NUFIP1: variants seen among roughly 807,000 people sequenced by gnomAD.
The protein encoded by NUFIP1 is nuclear FMR1 interacting protein 1.
Under a neutral mutation model 56.2 loss-of-function variants are expected in NUFIP1, and 38 were observed. That is an observed-to-expected ratio of 0.68 (90% confidence interval 0.52 to 0.89). NUFIP1 has a LOEUF of 0.89. NUFIP1 is among the 40% of genes least tolerant of loss of function. The pLI is 0.00. For missense variants in NUFIP1, 567 were observed against 605.8 expected (o/e 0.94, Z 0.67); for synonymous variants, 215 against 212.4 (o/e 1.01, Z -0.10).
intron 8 of NUFIP1, among the ~76,000 whole-genome samples, chr13:44,944,095 GACA>G (rs1478936342): frequency 1.3e-5 from 2 of 152,072 alleles, no homozygotes; most frequent in African/African-American, 2.4e-5. Context: ...TAAAATCTCT[GACA>G]ACAATAGTAA....
intron 7 of NUFIP1, among the ~76,000 whole-genome samples, chr13:44,954,629 C>A (rs1474650069): frequency 6.6e-6 from 1 of 152,170 alleles, no homozygotes; most frequent in African/African-American, 2.4e-5. Context: ...GCCCACCAAC[C>A]CCCATCCCAC....
Position 44,979,916 on chromosome 13 carries a change from T to C in NUFIP1, c.631A>G (p.Lys211Glu), listed in dbSNP as rs1872126767. The change falls in exon 4 of 10, where the codon AAG (lysine) becomes GAG (glutamate). Residue 211 changes from lysine (K) to glutamate (E), a missense_variant. Transcript: ENST00000379161. ...TTTCTCCAATGGAACTGGACAATCT[T>C]CTCGTGTGCAGTAAAAGAGCAATCT... ...ELDCSFTAHEKIVQFHWRNMH... is the reference protein window; with the variant it reads ...ELDCSFTAHEEIVQFHWRNMH... 1.2e-6 allele frequency: 2 copies of C among 1,603,954 alleles called. No homozygotes were observed. The highest frequency in any genetic ancestry group is 3.5e-5 in the Admixed American group (2 of 57,576).
At chr13:44,956,869 G>A (rs988332670) in intron 7 of NUFIP1, among the ~76,000 whole-genome samples, 1 of 152,126 alleles carries the variant, frequency 6.6e-6, no homozygotes, top group African/African-American at 2.4e-5. Flanking sequence ...GTGCCCAGGG[G>A]TTAAGAACCC....
At chr13:44,966,721 C>G (rs1055587264) in intron 5 of NUFIP1, among the ~76,000 whole-genome samples, 1 of 151,926 alleles carries the variant, frequency 6.6e-6, no homozygotes, top group East Asian at 1.9e-4. Flanking sequence ...TGCCTGTAAT[C>G]CCAGCATTTT....
chr13:44,956,306 C>A (rs547640322), intron 7 of NUFIP1, among the ~76,000 whole-genome samples: 4 of 151,922 alleles, frequency 2.6e-5, no homozygotes, highest in African/African-American at 4.8e-5. Context: ...TGTAGCTATA[C>A]CTGCAGTGAA....
chr13:44,949,964 T>A, intron 7 of NUFIP1, 126 bp from the exon 8 acceptor site: 1 of 700,700 alleles, frequency 1.4e-6, no homozygotes, highest in Non-Finnish European at 2.6e-6. Context: ...TCCAAAAGAC[T>A]AATTCTAGGG....
At chr13:44,986,173 T>C (rs572332659) in intron 1 of NUFIP1, among the ~76,000 whole-genome samples, 2 of 152,330 alleles carry the variant, frequency 1.3e-5, no homozygotes, top group East Asian at 1.9e-4. Context: ...ATTCCTCTAA[T>C]GGATCTGAGC....
intron 7 of NUFIP1, among the ~76,000 whole-genome samples, chr13:44,952,701 T>C (rs941953703): frequency 3.8e-4 from 58 of 152,228 alleles, no homozygotes; most frequent in African/African-American, 1.4e-3. Context: ...TACTTTATGA[T>C]AGCTAAGAAG....
intron 7 of NUFIP1, among the ~76,000 whole-genome samples, chr13:44,956,135 C>G (rs1166659327): frequency 1.4e-5 from 2 of 140,774 alleles, no homozygotes; most frequent in Non-Finnish European, 3.1e-5. Flanking sequence ...CAGCGAGACT[C>G]CGTCTCAAAA....
At chr13:44,974,022 A>G (rs116629591) in intron 5 of NUFIP1, among the ~76,000 whole-genome samples, 2,507 of 152,368 alleles carry the variant, frequency 0.016, 82 homozygotes, top group African/African-American at 0.056. Context: ...TCAGCTGATT[A>G]AAAATAAAAT....
rs1870674265 is a variant in NUFIP1 at position 44,939,977 on chromosome 13, G to C, written c.*1229C>G. ...GTTGTAACACTAGTTACTTCATCCT[G>C]AGTTGGTTGGGAATCACATCTTTGA... is the stretch of plus-strand genomic sequence containing the variant. On this transcript the variant is annotated 3_prime_UTR_variant, in exon 10 of 10. Coordinates refer to ENST00000379161, the MANE Select transcript of NUFIP1 (RefSeq NM_012345.3). 1.3e-5 allele frequency: 2 copies of C among 152,126 alleles called. No homozygotes were observed. Among genetic ancestry groups the C allele is most frequent in the Admixed American group, 6.5e-5 (1 of 15,272 alleles). The allele number at this position is 152,126 out of a possible 1,614,324, so 9.4% of individuals were successfully genotyped here. A position where few individuals can be genotyped will look rare whatever the true frequency, so the allele number is the denominator to read the frequency against.
At chr13:44,975,394 C>G (rs181938802) in intron 5 of NUFIP1, among the ~76,000 whole-genome samples, 76 of 152,264 alleles carry the variant, frequency 5.0e-4, no homozygotes, top group African/African-American at 1.8e-3. Flanking sequence ...TGTTCCCCAC[C>G]TCAGTAATAA....
chr13:44,960,590 T>TA (rs377429479), intron 6 of NUFIP1, among the ~76,000 whole-genome samples: 3 of 152,154 alleles, frequency 2.0e-5, no homozygotes, highest in African/African-American at 7.2e-5. Flanking sequence ...TTTAAGGAGT[T>TA]AAAGTTTCTG....
chr13:44,969,592 C>T (rs1159087455), intron 5 of NUFIP1, among the ~76,000 whole-genome samples: 2 of 152,066 alleles, frequency 1.3e-5, no homozygotes, highest in African/African-American at 4.8e-5. Context: ...TCTATCTTTC[C>T]TCAGTTCACT....
At chr13:44,943,713 C>T (rs752697318) in intron 8 of NUFIP1, 39 bp from the exon 9 acceptor site, 7 of 1,499,788 alleles carry the variant, frequency 4.7e-6, no homozygotes, top group Non-Finnish European at 6.4e-6. Flanking sequence ...ATAAACAAAA[C>T]AAAACAAAAC....
Position 44,959,564 on chromosome 13 carries a change from C to T in NUFIP1, c.838G>A (p.Gly280Arg). ...LTTTQYGKMK[G>R]MSRHSQMAKI... Reference sequence around the variant, plus strand: ...GCCATTTGTGAATGTCTGGACATCCCCTTCATCTTGCTGGAGTAAGAAAAT... The same window carrying T: ...GCCATTTGTGAATGTCTGGACATCCTCTTCATCTTGCTGGAGTAAGAAAAT... The change falls in exon 7 of 10, where the codon GGG becomes AGG. Residue 280 changes from glycine (G) to arginine (R), a missense_variant. Coordinates refer to ENST00000379161, the MANE Select transcript of NUFIP1 (RefSeq NM_012345.3). 1 of 1,605,870 alleles carries T rather than the reference C, an allele frequency of 6.2e-7. No homozygotes were observed. The highest frequency in any genetic ancestry group is 8.5e-7 in the Non-Finnish European group (1 of 1,177,276).
chr13:44,968,216 G>T (rs1871677794), intron 5 of NUFIP1, among the ~76,000 whole-genome samples: 1 of 152,084 alleles, frequency 6.6e-6, no homozygotes, highest in African/African-American at 2.4e-5. Context: ...AAGGTCATAG[G>T]AGATAAAAAT....
chr13:44,979,968 AG>A lies in NUFIP1; in HGVS notation c.595-17del. The A allele has an allele frequency of 6.4e-7, 1 of 1,574,482 alleles. No homozygotes were observed. The highest frequency in any genetic ancestry group is 8.6e-7 in the Non-Finnish European group (1 of 1,160,446). On this transcript the variant is annotated splice_polypyrimidine_tract_variant and intron_variant, in intron 3 of 9. Coordinates refer to ENST00000379161, the MANE Select transcript of NUFIP1 (RefSeq NM_012345.3). ...ATTCAGGGCACTATGAGTTTTTAAA[AG>A]AAAAAAAAAACTATTTAACAAATGT...
intron 5 of NUFIP1, among the ~76,000 whole-genome samples, chr13:44,966,343 C>T (rs947423109): frequency 3.3e-5 from 5 of 152,168 alleles, no homozygotes; most frequent in Admixed American, 2.6e-4. Context: ...GAGTCGGAGT[C>T]TCGTTCTGTC....
Sources: gnomAD v4.1 joint callset for allele counts (sites outside exome capture counted in the v4.1 genomes callset) on GRCh38, gnomAD v4.1.1 for gene constraint, MANE v1.5 for transcripts, NCBI Gene and HGNC (gene_info 2026-07-23, HGNC 2026-07-21) for gene names.